The following BMPR1B variants were observed in gnomAD, a reference collection of about 807,000 sequenced individuals.
BMPR1B encodes the protein bone morphogenetic protein receptor type-1B.
Under a neutral mutation model 59.1 loss-of-function variants are expected in BMPR1B, and 12 were observed. The observed-to-expected ratio is 0.20, with a 90% CI of 0.13 to 0.33. BMPR1B has a LOEUF of 0.33. BMPR1B is among the 10% of genes least tolerant of loss of function. BMPR1B has a pLI of 1.00. For synonymous variants in BMPR1B, 237 were observed against 207.3 expected, an observed-to-expected ratio of 1.14 and a Z score of -1.23; for missense variants, 550 against 610.9, an observed-to-expected ratio of 0.90 and a Z score of 1.05.
At chr4:94,939,296 A>G (rs1181467818) in intron 2 of BMPR1B, among the ~76,000 whole-genome samples, 2 of 152,212 alleles carry the variant, frequency 1.3e-5, no homozygotes, top group Non-Finnish European at 2.9e-5. Flanking sequence ...TCTAGAATTA[A>G]TTTTAAAGCT....
chr4:94,922,189 G>T (rs1176867111), intron 2 of BMPR1B, among the ~76,000 whole-genome samples: 1 of 152,006 alleles, frequency 6.6e-6, no homozygotes, highest in Non-Finnish European at 1.5e-5. Context: ...TGCCCCATCT[G>T]GTATTGAACT....
chr4:94,973,200 A>G (rs770664172), intron 2 of BMPR1B, among the ~76,000 whole-genome samples: 1 of 152,094 alleles, frequency 6.6e-6, no homozygotes, highest in Non-Finnish European at 1.5e-5. Flanking sequence ...GGATGGCTCA[A>G]ATCTTAACAG....
rs140088182 is a variant in BMPR1B, at chr4:94,940,260, G to A, written c.-112-55780G>A. On this transcript the variant is annotated intron_variant, in intron 2 of 12. Coordinates refer to ENST00000515059, the MANE Select transcript of BMPR1B (RefSeq NM_001203.3). The stretch of plus-strand genomic sequence containing the variant: ...CATGCAGCCCAGGACAGCTTTGAAT[G>A]CGGCCCAACACAAATTCATAAACTT... Among the ~76,000 whole-genome samples the A allele has an allele frequency of 1.9e-3, 294 of 152,292 alleles. 1 individual carries two copies. The highest frequency in any genetic ancestry group is 6.9e-3 in the African/African-American group (285 of 41,564).
intron 2 of BMPR1B, among the ~76,000 whole-genome samples, chr4:94,940,412 A>C (rs546019592): frequency 1.7e-4 from 26 of 152,316 alleles, no homozygotes; most frequent in African/African-American, 6.3e-4. Context: ...AGGGAAGCCA[A>C]AAGATTGGAT....
At chr4:94,959,247 G>T (rs1191212489) in intron 2 of BMPR1B, among the ~76,000 whole-genome samples, 3 of 152,130 alleles carry the variant, frequency 2.0e-5, no homozygotes, top group African/African-American at 7.2e-5. Context: ...CACATGACTT[G>T]TGGAATGAAA....
rs1227265484 is a variant in BMPR1B at position 94,882,972 on chromosome 4, G to GTA, written c.-113+7073_-113+7074insAT. On this transcript the variant is annotated intron_variant, in intron 2 of 12. Transcript: ENST00000515059. ...TTCTTTCCTGTGTGTGTGTGCGTGT[G>GTA]TGTGTATGTGTGTGTGTGTGTGTGT... 7.2e-4 allele frequency among the ~76,000 whole-genome samples: 95 copies of GTA among 132,426 alleles called. 1 individual carries two copies. The highest frequency in any genetic ancestry group is 2.6e-3 in the African/African-American group (87 of 32,872). The allele number at this position is 132,426 out of a possible 152,430, so 86.9% of individuals were successfully genotyped here.
chr4:94,758,603 T>C lies in BMPR1B; in HGVS notation c.-183+535T>C, dbSNP rs77862780. ...CCCGGACGCCTCCCGAGACCCAGCC[T>C]TGCCGTGGGGGAAAGTGCGCAGCGG... is the stretch of plus-strand genomic sequence containing the variant. On this transcript the variant is annotated intron_variant, in intron 1 of 12. Coordinates refer to ENST00000515059, the MANE Select transcript of BMPR1B (RefSeq NM_001203.3). Among the ~76,000 whole-genome samples the C allele has an allele frequency of 5.5e-3, 831 of 152,146 alleles. 35 individuals carry two copies. In the East Asian group the frequency reaches 0.11, roughly 19 times the overall value.
intron 11 of BMPR1B, among the ~76,000 whole-genome samples, chr4:95,152,262 A>G (rs1321233457): frequency 5.3e-5 from 8 of 152,196 alleles, no homozygotes; most frequent in Non-Finnish European, 1.2e-4. Flanking sequence ...TACTATAGTA[A>G]TAGAAACAGT....
At chr4:95,095,674 C>A (rs530807585) in intron 3 of BMPR1B, among the ~76,000 whole-genome samples, 2 of 152,014 alleles carry the variant, frequency 1.3e-5, no homozygotes, top group Non-Finnish European at 2.9e-5. Context: ...TTGTATGACA[C>A]AAAATGATTA....
chr4:94,987,185 T>C (rs1218389525), intron 2 of BMPR1B, among the ~76,000 whole-genome samples: 1 of 126,586 alleles, frequency 7.9e-6, no homozygotes, highest in Non-Finnish European at 1.8e-5. Flanking sequence ...ATATACTATA[T>C]ATAATATATC....
intron 3 of BMPR1B, among the ~76,000 whole-genome samples, chr4:95,070,994 G>A (rs1229483916): frequency 6.6e-6 from 1 of 152,042 alleles, no homozygotes; most frequent in African/African-American, 2.4e-5. Context: ...CACCAGAAAT[G>A]AGTATGTTCT....
Position 95,152,635 on chromosome 4 carries a change from A to G in BMPR1B, c.1253-8A>G. The G allele has an allele frequency of 6.5e-7, 1 of 1,532,248 alleles. No individual in the cohort carries two copies. Among genetic ancestry groups the G allele is most frequent in the Non-Finnish European group, 8.8e-7 (1 of 1,132,582 alleles). The allele number at this position is 1,532,248 out of a possible 1,614,324, so 94.9% of individuals were successfully genotyped here. On this transcript the variant is annotated splice_region_variant and splice_polypyrimidine_tract_variant and intron_variant, in intron 11 of 12. Coordinates refer to ENST00000515059, the MANE Select transcript of BMPR1B (RefSeq NM_001203.3). ...ATAATAATAATAATAGTAACAACAT[A>G]TTTTTAGGTATAGTGGAAGAATACC...
chr4:95,072,115 A>G (rs1019534204), intron 3 of BMPR1B, among the ~76,000 whole-genome samples: 24 of 152,284 alleles, frequency 1.6e-4, no homozygotes, highest in Non-Finnish European at 3.4e-4. Context: ...TCAAGTGCAA[A>G]GAAAGGAAAA....
intron 1 of BMPR1B, among the ~76,000 whole-genome samples, chr4:94,825,968 C>T (rs934367068): frequency 6.6e-6 from 1 of 151,956 alleles, no homozygotes; most frequent in African/African-American, 2.4e-5. Flanking sequence ...TAGGCTTTTG[C>T]ATTACAGATA....
intron 1 of BMPR1B, among the ~76,000 whole-genome samples, chr4:94,791,208 C>G (rs193118281): frequency 3.3e-5 from 5 of 152,020 alleles, no homozygotes; most frequent in African/African-American, 1.2e-4. Context: ...AGGCTGGTCT[C>G]GAACTCCTGA....
chr4:94,989,495 A>G (rs951530155), intron 2 of BMPR1B, among the ~76,000 whole-genome samples: 2 of 152,176 alleles, frequency 1.3e-5, no homozygotes, highest in African/African-American at 4.8e-5. Flanking sequence ...ACAGGATTAC[A>G]ATTTCAGTTA....
chr4:95,133,584 AT>A (rs1733541394), intron 10 of BMPR1B, among the ~76,000 whole-genome samples: 1 of 151,424 alleles, frequency 6.6e-6, no homozygotes, highest in Non-Finnish European at 1.5e-5. Flanking sequence ...TTTTATTTTT[AT>A]TTTTTAGACA....
chr4:94,963,606 C>G (rs1730451083), intron 2 of BMPR1B, among the ~76,000 whole-genome samples: 3 of 152,126 alleles, frequency 2.0e-5, no homozygotes, highest in South Asian at 4.1e-4. Context: ...ACTGTCCTTT[C>G]CCCATTGTAT....
chr4:94,863,110 CG>C (rs941883695), intron 1 of BMPR1B, among the ~76,000 whole-genome samples: 3 of 151,660 alleles, frequency 2.0e-5, no homozygotes, highest in Non-Finnish European at 4.4e-5. Context: ...GAGTGAGACT[CG>C]TCTCAAAAAA....
Sources: allele counts gnomAD v4.1 joint callset (sites outside exome capture counted in the v4.1 genomes callset), GRCh38; gene constraint gnomAD v4.1.1; transcripts MANE v1.5; gene names NCBI Gene and HGNC (gene_info 2026-07-23, HGNC 2026-07-21).